The following SHISA3 variants were observed in gnomAD, a reference collection of about 807,000 sequenced individuals.
SHISA3 encodes protein shisa-3 homolog.
In SHISA3, 15 loss-of-function variants were observed where a neutral mutation model predicts 19.2. The ratio of observed to expected loss-of-function variants is 0.78; its 90% CI spans 0.52 to 1.20. SHISA3 has a LOEUF of 1.20. SHISA3 is among the 50% of genes most tolerant of loss of function. SHISA3 has a pLI of 0.00. For synonymous variants in SHISA3, 145 were observed against 135.2 expected (o/e 1.07, Z -0.50); for missense variants, 327 against 315.7 (o/e 1.04, Z -0.27).
Position 42,397,827 on chromosome 4 carries a change from GCCAAC to G in SHISA3, c.-229_-225del. On this transcript the variant is annotated 5_prime_UTR_variant, in exon 1 of 2. An upstream open reading frame in the 5' UTR loses its in-frame stop. Coordinates refer to ENST00000319234, the MANE Select transcript of SHISA3 (RefSeq NM_001080505.3). ...CTGCCGGCGCCTCCCGCAGGCCCTC[GCCAAC>G]TCGCCCCGCGCACCATGCTGACTCC... 1 of 438,156 alleles carries G rather than the reference GCCAAC, an allele frequency of 2.3e-6. No individual in the cohort carries two copies. Among genetic ancestry groups the G allele is most frequent in the Non-Finnish European group, 4.0e-6 (1 of 251,322 alleles). 27.1% of individuals were successfully genotyped at this position (438,156 alleles called of 1,614,324 possible). A position where few individuals can be genotyped will look rare whatever the true frequency, so the allele number is the denominator to read the frequency against.
chr4:42,402,159 T>C lies in SHISA3; in HGVS notation c.*708T>C, dbSNP rs2153163343. The C allele has an allele frequency of 6.6e-6, 1 of 152,364 alleles. No homozygotes were observed. The highest frequency in any genetic ancestry group is 2.1e-4 in the South Asian group (1 of 4,834). 9.4% of individuals were successfully genotyped at this position (152,364 alleles called of 1,614,324 possible). Reference sequence around the variant, plus strand: ...CCCCACTCACTGGAGGGAGTATTTATTGCAGACTTTTTGTTCAGCAACATT... The same window carrying C: ...CCCCACTCACTGGAGGGAGTATTTACTGCAGACTTTTTGTTCAGCAACATT... On this transcript the variant is annotated 3_prime_UTR_variant, in exon 2 of 2. Coordinates refer to ENST00000319234, the MANE Select transcript of SHISA3 (RefSeq NM_001080505.3).
rs554420222 is a variant in SHISA3, at chr4:42,401,231, C to T, written c.497C>T (p.Thr166Met). 13 of 1,614,208 alleles carry T rather than the reference C, an allele frequency of 8.1e-6. No homozygotes were observed. The highest frequency in any genetic ancestry group is 3.3e-5 in the Admixed American group (2 of 60,030). Reference protein sequence around the residue: ...RAPSRQSSTATSSSSTGGSIR... With the variant: ...RAPSRQSSTAMSSSSTGGSIR... ...CCCTCCCGGCAGTCCAGCACAGCCA[C>T]GAGCTCCAGCTCCACAGGCGGCTCC... Residue 166 changes from threonine to methionine, a missense_variant, in exon 2 of 2, where the codon ACG (threonine) becomes ATG (methionine). Transcript: ENST00000319234.
intron 1 of SHISA3, 151 bp from the exon 2 acceptor site, chr4:42,400,861 G>A (rs1412835827): frequency 8.1e-6 from 6 of 739,512 alleles, no homozygotes; most frequent in Non-Finnish European, 1.3e-5. Flanking sequence ...TTGCATTTTG[G>A]AGGTTACCAT....
chr4:42,397,912 C>T lies in SHISA3; in HGVS notation c.-145C>T. On this transcript the variant is annotated 5_prime_UTR_variant, in exon 1 of 2. Transcript: ENST00000319234. ...GTCGCCTCCCCGGCCCCTGCTATCC[C>T]ACGCAGGACTGGCTTCGGCCGCCGG... 1 of 709,150 alleles carries T rather than the reference C, an allele frequency of 1.4e-6. No individual in the cohort carries two copies. The highest frequency in any genetic ancestry group is 3.1e-5 in the East Asian group (1 of 32,644). 43.9% of individuals were successfully genotyped at this position (709,150 alleles called of 1,614,324 possible).
chr4:42,398,390 G>C, intron 1 of SHISA3, 57 bp downstream of exon 1: 1 of 1,472,096 alleles, frequency 6.8e-7, no homozygotes, highest in Non-Finnish European at 9.0e-7. Flanking sequence ...GCGGCTGCAT[G>C]TGTGCGCGGG....
chr4:42,398,671 G>A (rs1711821891), intron 1 of SHISA3, among the ~76,000 whole-genome samples: 1 of 152,202 alleles, frequency 6.6e-6, no homozygotes, highest in South Asian at 2.1e-4. Context: ...TGCGGGTAAA[G>A]CCAGGGTAGA....
At chr4:42,400,925 C>T in intron 1 of SHISA3, 87 bp from the exon 2 acceptor site, 1 of 1,369,658 alleles carries the variant, frequency 7.3e-7, no homozygotes, top group South Asian at 1.3e-5. Context: ...GAGTCTCCCA[C>T]CTCTCAACCC....
In SHISA3 at chr4:42,397,837, C is replaced by G. The variant is rs1489381680; in HGVS notation, c.-220C>G. 8.9e-6 allele frequency: 4 copies of G among 450,434 alleles called. No individual in the cohort carries two copies. The highest frequency in any genetic ancestry group is 6.2e-5 in the African/African-American group (3 of 48,764). The allele number at this position is 450,434 out of a possible 1,614,324, so 27.9% of individuals were successfully genotyped here. ...CTCCCGCAGGCCCTCGCCAACTCGC[C>G]CCGCGCACCATGCTGACTCCCGGCC... On this transcript the variant is annotated 5_prime_UTR_variant, in exon 1 of 2. Coordinates refer to ENST00000319234, the MANE Select transcript of SHISA3 (RefSeq NM_001080505.3).
At chr4:42,400,528 G>T (rs932682150) in intron 1 of SHISA3, among the ~76,000 whole-genome samples, 3 of 152,068 alleles carry the variant, frequency 2.0e-5, no homozygotes, top group African/African-American at 7.2e-5. Flanking sequence ...GTGTGTAGAG[G>T]GGAATCTCAT....
At chr4:42,399,171 AC>A (rs1711836475) in intron 1 of SHISA3, among the ~76,000 whole-genome samples, 1 of 152,140 alleles carries the variant, frequency 6.6e-6, no homozygotes, top group Non-Finnish European at 1.5e-5. Context: ...GGCCAGGGAA[AC>A]CGGAGAAGCG....
Position 42,397,804 on chromosome 4 carries a change from G to A in SHISA3, c.-253G>A. 2.3e-6 allele frequency: 1 copy of A among 434,020 alleles called. No homozygotes were observed. Among genetic ancestry groups the A allele is most frequent in the Non-Finnish European group, 4.0e-6 (1 of 247,506 alleles). The allele number at this position is 434,020 out of a possible 1,614,324, so 26.9% of individuals were successfully genotyped here. On this transcript the variant is annotated 5_prime_UTR_variant, in exon 1 of 2. Transcript: ENST00000319234. ...AGCGACAGCCCCAGCAACTGCCTCT[G>A]CCGGCGCCTCCCGCAGGCCCTCGCC...
In SHISA3 at chr4:42,401,192, C is replaced by A; in HGVS notation, c.458C>A (p.Thr153Asn). The A allele has an allele frequency of 6.2e-7, 1 of 1,614,210 alleles. No individual in the cohort carries two copies. Among genetic ancestry groups the A allele is most frequent in the Non-Finnish European group, 8.5e-7 (1 of 1,180,042 alleles). ...ACCCTGCCCATGATCCTGACCTCCA[C>A]CAGCCCCAGGGCACCCTCCCGGCAG... ...TETLPMILTSTSPRAPSRQSS... is the reference protein window; with the variant it reads ...TETLPMILTSNSPRAPSRQSS... The change falls in exon 2 of 2, where the codon ACC (threonine) becomes AAC (asparagine). Residue 153 changes from threonine to asparagine, a missense_variant. By Grantham distance (65) the Thr-to-Asn change is moderately conservative. Coordinates refer to ENST00000319234, the MANE Select transcript of SHISA3 (RefSeq NM_001080505.3).
At chr4:42,399,350 C>T (rs1487046921) in intron 1 of SHISA3, among the ~76,000 whole-genome samples, 1 of 152,196 alleles carries the variant, frequency 6.6e-6, no homozygotes, top group Non-Finnish European at 1.5e-5. Context: ...GTCTGCCCTC[C>T]ATTAGTGCTC....
chr4:42,400,264 G>C (rs912630565), intron 1 of SHISA3, among the ~76,000 whole-genome samples: 6 of 152,180 alleles, frequency 3.9e-5, no homozygotes, highest in Non-Finnish European at 8.8e-5. Context: ...CTCTGTTTGA[G>C]GGATGCTTTT....
Position 42,401,193 on chromosome 4 carries a change from C to A in SHISA3, c.459C>A (p.Thr153=), listed in dbSNP as rs1711905924. The A allele has an allele frequency of 6.2e-7, 1 of 1,614,232 alleles. No individual in the cohort carries two copies. ...TETLPMILTS[T]SPRAPSRQSS... ...CCCTGCCCATGATCCTGACCTCCAC[C>A]AGCCCCAGGGCACCCTCCCGGCAGT... Residue 153 remains threonine, a synonymous_variant, in exon 2 of 2, where the codon ACC becomes ACA. Coordinates refer to ENST00000319234, the MANE Select transcript of SHISA3 (RefSeq NM_001080505.3).
chr4:42,398,144 G>T lies in SHISA3; in HGVS notation c.88G>T (p.Gly30Cys). 6.2e-7 allele frequency: 1 copy of T among 1,605,996 alleles called. No homozygotes were observed. Among genetic ancestry groups the T allele is most frequent in the Non-Finnish European group, 8.5e-7 (1 of 1,176,864 alleles). ...CCAGCAGTCCGGAGAGTACTGCCACGGCTGGGTGGACGTGCAGGGCAACTA... is the reference window on the plus strand; with the variant it reads ...CCAGCAGTCCGGAGAGTACTGCCACTGCTGGGTGGACGTGCAGGGCAACTA... ...GAQQSGEYCH[G>C]WVDVQGNYHE... Residue 30 changes from glycine to cysteine, a missense_variant, in exon 1 of 2, where the codon GGC becomes TGC. Gly to Cys is a radical substitution (Grantham distance 159, BLOSUM62 -3). Transcript: ENST00000319234.
At position 42,398,219 on chromosome 4, in the gene SHISA3, A is replaced by G; in HGVS notation, c.163A>G (p.Ile55Val). Residue 55 changes from isoleucine to valine, a missense_variant, in exon 1 of 2, where the codon ATC becomes GTC. Physicochemically the swap from Ile to Val is conservative, Grantham distance 29. Coordinates refer to ENST00000319234, the MANE Select transcript of SHISA3 (RefSeq NM_001080505.3). Reference protein sequence around the residue: ...PEDFDTLDATICCGSCALRYC... With the variant: ...PEDFDTLDATVCCGSCALRYC... ...GGACTTCGACACGCTGGACGCTACC[A>G]TCTGCTGCGGCTCCTGCGCGCTCCG... The G allele has an allele frequency of 6.3e-7, 1 of 1,596,416 alleles. No homozygotes were observed. Among genetic ancestry groups the G allele is most frequent in the Non-Finnish European group, 8.5e-7 (1 of 1,171,822 alleles).
At position 42,401,257 on chromosome 4, in the gene SHISA3, A is replaced by C. The variant is rs1160807217; in HGVS notation, c.523A>C (p.Ile175Leu). ...GAGCTCCAGCTCCACAGGCGGCTCC[A>C]TCCGCAGGTTCTCCTTTGCCAGGGC... ...ATSSSSTGGS[I>L]RRFSFARAEP... Residue 175 changes from isoleucine (I) to leucine (L), a missense_variant, in exon 2 of 2, where the codon ATC becomes CTC. Ile to Leu is a conservative substitution (Grantham distance 5, BLOSUM62 2). Coordinates refer to ENST00000319234, the MANE Select transcript of SHISA3 (RefSeq NM_001080505.3). 6.2e-7 allele frequency: 1 copy of C among 1,614,038 alleles called. No homozygotes were observed. The highest frequency in any genetic ancestry group is 1.3e-5 in the African/African-American group (1 of 74,938).
Position 42,397,995 on chromosome 4 carries a change from G to C in SHISA3, c.-62G>C, listed in dbSNP as rs777494855. The C allele has an allele frequency of 2.8e-6, 4 of 1,426,856 alleles. No homozygotes were observed. The highest frequency in any genetic ancestry group is 3.7e-6 in the Non-Finnish European group (4 of 1,085,556). The allele number at this position is 1,426,856 out of a possible 1,614,324, so 88.4% of individuals were successfully genotyped here. On this transcript the variant is annotated 5_prime_UTR_variant, in exon 1 of 2. Coordinates refer to ENST00000319234, the MANE Select transcript of SHISA3 (RefSeq NM_001080505.3). Reference sequence around the variant, plus strand: ...CGGAATCGCTGTGCGCCCTGAGCCCGGGCTCAGCCCTTCGCTTTCCAGCTG... The same window carrying C: ...CGGAATCGCTGTGCGCCCTGAGCCCCGGCTCAGCCCTTCGCTTTCCAGCTG...
Sources: gnomAD v4.1 joint callset for allele counts (sites outside exome capture counted in the v4.1 genomes callset) on GRCh38, gnomAD v4.1.1 for gene constraint, MANE v1.5 for transcripts, NCBI Gene and HGNC (gene_info 2026-07-23, HGNC 2026-07-21) for gene names.